Variants in NRG3 observed in about 807,000 individuals in gnomAD.
NRG3 encodes the protein pro-neuregulin-3, membrane-bound isoform.
In NRG3, 31 loss-of-function variants were observed where a neutral mutation model predicts 66.9. The observed-to-expected ratio is 0.46, with a 90% CI of 0.35 to 0.63. NRG3 has a LOEUF of 0.63. NRG3 is among the 20% of genes least tolerant of loss of function. The pLI is 0.00. For synonymous variants in NRG3, 393 were observed against 359.4 expected, an observed-to-expected ratio of 1.09 and a Z score of -1.06; for missense variants, 910 against 878.9, an observed-to-expected ratio of 1.04 and a Z score of -0.45.
intron 3 of NRG3, among the ~76,000 whole-genome samples, chr10:82,775,627 T>C (rs2059885015): frequency 6.6e-6 from 1 of 152,142 alleles, no homozygotes; most frequent in Non-Finnish European, 1.5e-5. Flanking sequence ...GTCAATTTGG[T>C]CAAAATTGCA....
chr10:82,088,633 C>T (rs1368019663), intron 1 of NRG3, among the ~76,000 whole-genome samples: 1 of 152,046 alleles, frequency 6.6e-6, no homozygotes, highest in Non-Finnish European at 1.5e-5. Context: ...AGATGAGAAT[C>T]AGACCGGGGA....
intron 2 of NRG3, among the ~76,000 whole-genome samples, chr10:82,577,770 C>G (rs773043724): frequency 6.6e-6 from 1 of 151,718 alleles, no homozygotes. Context: ...TTGTTCTAAA[C>G]AGTGAAAGAT....
intron 1 of NRG3, among the ~76,000 whole-genome samples, chr10:81,962,360 A>G (rs976798087): frequency 6.6e-6 from 1 of 152,222 alleles, no homozygotes; most frequent in Non-Finnish European, 1.5e-5. Flanking sequence ...CCACCATTGC[A>G]TGAAATCTAA....
At chr10:81,944,665 C>G (rs1848685873) in intron 1 of NRG3, among the ~76,000 whole-genome samples, 2 of 152,204 alleles carry the variant, frequency 1.3e-5, no homozygotes, top group South Asian at 2.1e-4. Context: ...TCAAAAGATG[C>G]AATTCATGCT....
chr10:82,732,460 G>T (rs1445613754), intron 2 of NRG3, among the ~76,000 whole-genome samples: 2 of 152,148 alleles, frequency 1.3e-5, no homozygotes, highest in Non-Finnish European at 2.9e-5. Context: ...CAGAATGCCA[G>T]AAGGTACCAC....
At chr10:82,148,706 G>A (rs1319755850) in intron 1 of NRG3, among the ~76,000 whole-genome samples, 1 of 152,112 alleles carries the variant, frequency 6.6e-6, no homozygotes, top group Non-Finnish European at 1.5e-5. Context: ...TGATGATACT[G>A]ATTCTCACCT....
chr10:82,554,113 T>C (rs1346130081), intron 2 of NRG3, among the ~76,000 whole-genome samples: 3 of 152,164 alleles, frequency 2.0e-5, no homozygotes, highest in East Asian at 1.9e-4. Context: ...ATGTGGACTT[T>C]AGTTTTTACA....
intron 1 of NRG3, among the ~76,000 whole-genome samples, chr10:82,030,461 G>A (rs2062512811): frequency 6.6e-6 from 1 of 152,072 alleles, no homozygotes; most frequent in Non-Finnish European, 1.5e-5. Flanking sequence ...GAGGGAGTTA[G>A]TGCGCCTGGC....
chr10:82,398,447 A>G (rs2086855711), intron 2 of NRG3, among the ~76,000 whole-genome samples: 1 of 151,332 alleles, frequency 6.6e-6, no homozygotes, highest in African/African-American at 2.4e-5. Context: ...AGATCAAACA[A>G]CTTTGGTTCC....
chr10:82,544,927 C>T (rs2132803553), intron 2 of NRG3, among the ~76,000 whole-genome samples: 1 of 152,306 alleles, frequency 6.6e-6, no homozygotes, highest in South Asian at 2.1e-4. Context: ...CCATTTTCAG[C>T]ATTACCTTCA....
chr10:82,227,855 T>C (rs1239489972), intron 1 of NRG3, among the ~76,000 whole-genome samples: 2 of 152,200 alleles, frequency 1.3e-5, no homozygotes, highest in South Asian at 4.1e-4. Context: ...TTATGAATTC[T>C]TCCCCCAAGG....
intron 1 of NRG3, among the ~76,000 whole-genome samples, chr10:82,161,426 G>A (rs1167834977): frequency 2.6e-5 from 4 of 152,002 alleles, no homozygotes; most frequent in African/African-American, 9.7e-5. Flanking sequence ...TGGGGCAAGT[G>A]GTCCATTAAA....
At position 82,391,886 on chromosome 10, in the gene NRG3, A is replaced by G. The variant is rs369984284; in HGVS notation, c.953+33018A>G. 1.1e-3 allele frequency among the ~76,000 whole-genome samples: 159 copies of G among 151,384 alleles called. 1 individual carries two copies. The highest frequency in any genetic ancestry group is 3.4e-3 in the African/African-American group (139 of 41,058). On this transcript the variant is annotated intron_variant, in intron 2 of 8. Transcript: ENST00000372141. The stretch of plus-strand genomic sequence containing the variant: ...GCCATACAATCTTCAGATTGTGACC[A>G]AGTTGCTTTTAAAATTCTCATCCAG...
chr10:82,863,215 A>G (rs1361596379), intron 3 of NRG3, among the ~76,000 whole-genome samples: 1 of 151,928 alleles, frequency 6.6e-6, no homozygotes, highest in African/African-American at 2.4e-5. Context: ...ACTGCATAGT[A>G]TTCTATGGTG....
At chr10:82,836,262 A>T (rs751096384) in intron 3 of NRG3, among the ~76,000 whole-genome samples, 8 of 152,024 alleles carry the variant, frequency 5.3e-5, no homozygotes, top group South Asian at 2.1e-4. Flanking sequence ...GCCTTTTATA[A>T]AAAAAAATTG....
chr10:82,601,437 G>C (rs747700800), intron 2 of NRG3, among the ~76,000 whole-genome samples: 3 of 152,102 alleles, frequency 2.0e-5, no homozygotes, highest in Non-Finnish European at 4.4e-5. Context: ...TTTCATGTTG[G>C]CATTGTTCTT....
intron 1 of NRG3, among the ~76,000 whole-genome samples, chr10:81,959,489 C>G (rs1850150636): frequency 1.3e-5 from 2 of 152,000 alleles, no homozygotes; most frequent in African/African-American, 4.8e-5. Flanking sequence ...ACTATATTTG[C>G]TGGATTGCTT....
intron 1 of NRG3, among the ~76,000 whole-genome samples, chr10:82,339,964 C>G (rs1402445420): frequency 2.6e-5 from 4 of 152,124 alleles, no homozygotes; most frequent in Non-Finnish European, 5.9e-5. Flanking sequence ...AACTATCCAT[C>G]TTTTAAAGTA....
chr10:82,848,306 G>A (rs2063402260), intron 3 of NRG3, among the ~76,000 whole-genome samples: 1 of 152,210 alleles, frequency 6.6e-6, no homozygotes, highest in Admixed American at 6.5e-5. Flanking sequence ...ACCCAGATGT[G>A]AGGACATGGA....
Sources: gnomAD v4.1 joint callset for allele counts (sites outside exome capture counted in the v4.1 genomes callset) on GRCh38, gnomAD v4.1.1 for gene constraint, MANE v1.5 for transcripts, NCBI Gene and HGNC (gene_info 2026-07-23, HGNC 2026-07-21) for gene names.